The following TSHZ2 variants were observed in gnomAD, a reference collection of about 807,000 sequenced individuals.
The protein encoded by TSHZ2 is teashirt zinc finger homeobox 2, also known as teashirt homolog 2.
A neutral mutation model predicts 74.4 loss-of-function variants in TSHZ2; 21 were observed. The observed-to-expected ratio is 0.28, with a 90% CI of 0.20 to 0.41. TSHZ2 has a LOEUF of 0.41. Among genes scored for constraint, TSHZ2 ranks in the 10% least tolerant of loss-of-function variants. TSHZ2 has a pLI of 1.00. For missense variants in TSHZ2, 1,244 were observed against 1,293.5 expected (o/e 0.96, Z 0.59); for synonymous variants, 540 against 515.3 (o/e 1.05, Z -0.65).
At chr20:53,013,483 C>G (rs1055916164) in intron 1 of TSHZ2, among the ~76,000 whole-genome samples, 1 of 152,168 alleles carries the variant, frequency 6.6e-6, no homozygotes, top group East Asian at 1.9e-4. Flanking sequence ...GGAAAGGGTC[C>G]TCAGCATAGG....
rs1196038690 is a variant in TSHZ2 at position 53,254,998 on chromosome 20, G to A, written c.1540G>A (p.Gly514Arg). ...CTTGGAAGATGGCTCAAAGGGTGGA[G>A]GGGACATTTTGAAATCTTTGGAAAA... Reference protein sequence around the residue: ...EDLEDGSKGGGDILKSLENTV... With the variant: ...EDLEDGSKGGRDILKSLENTV... Residue 514 changes from glycine to arginine, a missense_variant, in exon 2 of 3, where the codon GGG (glycine) becomes AGG (arginine). Coordinates refer to ENST00000371497, the MANE Select transcript of TSHZ2 (RefSeq NM_173485.6). The A allele has an allele frequency of 6.2e-7, 1 of 1,614,192 alleles. No individual in the cohort carries two copies. Among genetic ancestry groups the A allele is most frequent in the Non-Finnish European group, 8.5e-7 (1 of 1,180,032 alleles).
intron 1 of TSHZ2, among the ~76,000 whole-genome samples, chr20:53,210,967 TAAAG>T (rs551013975): frequency 7.4e-4 from 112 of 151,882 alleles, no homozygotes; most frequent in Admixed American, 1.1e-3. Flanking sequence ...CTTTAGTAAT[TAAAG>T]AGAGAGAAAG....
chr20:52,988,868 C>T (rs927278617), intron 1 of TSHZ2, among the ~76,000 whole-genome samples: 3 of 152,120 alleles, frequency 2.0e-5, no homozygotes, highest in African/African-American at 7.2e-5. Context: ...CTCATCTGTT[C>T]CTGATAAATC....
chr20:53,462,749 G>A (rs1985419831), intron 2 of TSHZ2, among the ~76,000 whole-genome samples: 1 of 152,192 alleles, frequency 6.6e-6, no homozygotes, highest in African/African-American at 2.4e-5. Flanking sequence ...CCATGTTTCT[G>A]CAGTGCACAA....
intron 1 of TSHZ2, among the ~76,000 whole-genome samples, chr20:53,039,608 G>A (rs752423529): frequency 5.9e-5 from 9 of 152,062 alleles, no homozygotes; most frequent in South Asian, 2.1e-4. Context: ...GTGAAACTCC[G>A]TCTCCACTAA....
intron 2 of TSHZ2, among the ~76,000 whole-genome samples, chr20:53,297,336 A>G (rs1006148169): frequency 7.0e-6 from 1 of 142,250 alleles, no homozygotes; most frequent in Non-Finnish European, 1.5e-5. Context: ...TGCAGCCTTG[A>G]CCTCCCAGGA....
chr20:53,114,520 T>TG (rs1986618646), intron 1 of TSHZ2, among the ~76,000 whole-genome samples: 1 of 152,218 alleles, frequency 6.6e-6, no homozygotes, highest in African/African-American at 2.4e-5. Context: ...TAGCTACCAC[T>TG]GCTCTTTCCA....
At chr20:53,352,232 C>CTTTTTT (rs142220716) in intron 2 of TSHZ2, among the ~76,000 whole-genome samples, 1 of 57,868 alleles carries the variant, frequency 1.7e-5, no homozygotes. Flanking sequence ...CTCCTAAGCT[C>CTTTTTT]TTTTTTTTTT....
chr20:53,039,939 C>T (rs1983976382), intron 1 of TSHZ2, among the ~76,000 whole-genome samples: 3 of 152,062 alleles, frequency 2.0e-5, no homozygotes, highest in Admixed American at 2.0e-4. Flanking sequence ...AACCCTGTCT[C>T]TACTAAAAAT....
intron 2 of TSHZ2, among the ~76,000 whole-genome samples, chr20:53,330,537 C>T (rs926626711): frequency 1.3e-5 from 2 of 152,148 alleles, no homozygotes; most frequent in African/African-American, 4.8e-5. Context: ...CCTAAGAAAA[C>T]CAGAACTATT....
intron 2 of TSHZ2, among the ~76,000 whole-genome samples, chr20:53,318,170 G>A (rs573031666): frequency 6.6e-6 from 1 of 152,330 alleles, no homozygotes; most frequent in African/African-American, 2.4e-5. Flanking sequence ...GAGACCAGGT[G>A]AGATTTGATG....
At chr20:53,210,844 C>A (rs1204765487) in intron 1 of TSHZ2, among the ~76,000 whole-genome samples, 1 of 152,058 alleles carries the variant, frequency 6.6e-6, no homozygotes, top group African/African-American at 2.4e-5. Flanking sequence ...TGTGTCCACA[C>A]AAAATCTCTT....
At chr20:53,302,329 A>C (rs1466596704) in intron 2 of TSHZ2, among the ~76,000 whole-genome samples, 1 of 152,196 alleles carries the variant, frequency 6.6e-6, no homozygotes, top group Non-Finnish European at 1.5e-5. Context: ...GAAAGCCATG[A>C]AATTCTCTAT....
intron 1 of TSHZ2, among the ~76,000 whole-genome samples, chr20:53,072,875 A>T (rs187415008): frequency 1.8e-4 from 28 of 152,228 alleles, no homozygotes; most frequent in African/African-American, 6.3e-4. Flanking sequence ...CTGCCCATCC[A>T]TCCATCAATC....
chr20:53,029,759 C>A (rs6013607), intron 1 of TSHZ2, among the ~76,000 whole-genome samples: 10,924 of 152,228 alleles, frequency 0.072, 543 homozygotes, highest in East Asian at 0.17. Context: ...GGTGAACAAG[C>A]AAGTTGCAAA....
intron 1 of TSHZ2, among the ~76,000 whole-genome samples, chr20:53,035,477 A>G (rs1983783966): frequency 6.6e-6 from 1 of 152,212 alleles, no homozygotes; most frequent in Non-Finnish European, 1.5e-5. Flanking sequence ...ATAAAAACTC[A>G]AGAGGAAATT....
At chr20:53,291,129 C>T (rs914960645) in intron 2 of TSHZ2, among the ~76,000 whole-genome samples, 1 of 152,118 alleles carries the variant, frequency 6.6e-6, no homozygotes, top group Non-Finnish European at 1.5e-5. Context: ...GGAAAGGTCA[C>T]CAATTCACGG....
chr20:53,059,801 T>C (rs1019261594), intron 1 of TSHZ2, among the ~76,000 whole-genome samples: 1 of 152,232 alleles, frequency 6.6e-6, no homozygotes, highest in African/African-American at 2.4e-5. Context: ...AGCGACTGTC[T>C]TTCTTCTTAC....
intron 2 of TSHZ2, among the ~76,000 whole-genome samples, chr20:53,370,745 C>T (rs780456120): frequency 6.6e-6 from 1 of 152,158 alleles, no homozygotes; most frequent in Non-Finnish European, 1.5e-5. Flanking sequence ...GCCTGGGCGA[C>T]AGGGCAAGAC....
Sources: gnomAD v4.1 joint callset for allele counts (sites outside exome capture counted in the v4.1 genomes callset) on GRCh38, gnomAD v4.1.1 for gene constraint, MANE v1.5 for transcripts, NCBI Gene and HGNC (gene_info 2026-07-23, HGNC 2026-07-21) for gene names.